LMBR1: variants seen among roughly 807,000 people sequenced by gnomAD.
LMBR1 encodes the protein limb region 1 protein homolog.
In LMBR1, 52 loss-of-function variants were observed where a neutral mutation model predicts 73.9. The ratio of observed to expected loss-of-function variants is 0.70; its 90% CI spans 0.56 to 0.89. The LOEUF (loss-of-function observed/expected upper bound fraction) is 0.89. Ranked by LOEUF, LMBR1 falls within the 40% of genes least tolerant of loss-of-function variation. The pLI is 0.00. For missense variants in LMBR1, 539 were observed against 579.8 expected (o/e 0.93, Z 0.72); for synonymous variants, 215 against 209.4 (o/e 1.03, Z -0.23).
chr7:156,711,443 G>A (rs1448075817), intron 15 of LMBR1, among the ~76,000 whole-genome samples: 2 of 152,068 alleles, frequency 1.3e-5, no homozygotes, highest in Non-Finnish European at 2.9e-5. Context: ...ACAATCTATA[G>A]ATTCAATGCA....
downstream of LMBR1, chr7:156,675,625 G>C: frequency 3.0e-6 from 4 of 1,342,416 alleles, no homozygotes; most frequent in Non-Finnish European, 2.1e-6. Flanking sequence ...AGATGGTCAG[G>C]CTCGAGAGCG....
At chr7:156,864,508 C>T (rs1798173539) in intron 1 of LMBR1, among the ~76,000 whole-genome samples, 1 of 151,928 alleles carries the variant, frequency 6.6e-6, no homozygotes, top group East Asian at 1.9e-4. Context: ...TAGGAGGTTA[C>T]GAATGAAGAC....
At chr7:156,805,858 T>C (rs997848890) in intron 4 of LMBR1, among the ~76,000 whole-genome samples, 2 of 152,124 alleles carry the variant, frequency 1.3e-5, no homozygotes, top group Non-Finnish European at 2.9e-5. Context: ...AAGAGGGCAA[T>C]CCTCATGATG....
chr7:156,827,411 A>T (rs1835886271), intron 3 of LMBR1, among the ~76,000 whole-genome samples: 1 of 152,112 alleles, frequency 6.6e-6, no homozygotes, highest in Non-Finnish European at 1.5e-5. Context: ...ATGGACAATA[A>T]ATGTAAAACA....
intron 1 of LMBR1, among the ~76,000 whole-genome samples, chr7:156,879,572 G>C (rs1435717798): frequency 6.6e-6 from 1 of 150,912 alleles, no homozygotes; most frequent in African/African-American, 2.4e-5. Context: ...GCTGAGGCAG[G>C]AGAATGGCGT....
At chr7:156,828,643 T>C (rs950699700) in intron 3 of LMBR1, among the ~76,000 whole-genome samples, 54 of 152,190 alleles carry the variant, frequency 3.5e-4, no homozygotes, top group African/African-American at 1.3e-3. Context: ...GTAAAGTGTC[T>C]TTGCAAGGTG....
intron 1 of LMBR1, among the ~76,000 whole-genome samples, chr7:156,837,227 C>G (rs1037296465): frequency 6.6e-6 from 1 of 150,994 alleles, no homozygotes; most frequent in African/African-American, 2.4e-5. Context: ...CCCAGCTACT[C>G]GAGATGCTGA....
At chr7:156,725,928 A>T (rs1254396624) in intron 12 of LMBR1, 91 bp from the exon 13 acceptor site, 3 of 942,574 alleles carry the variant, frequency 3.2e-6, no homozygotes, top group Non-Finnish European at 4.9e-6. Flanking sequence ...AGACAGTTGA[A>T]ATTATGAATG....
intron 5 of LMBR1, among the ~76,000 whole-genome samples, chr7:156,782,717 G>GT (rs1040028097): frequency 6.6e-6 from 1 of 152,162 alleles, no homozygotes; most frequent in Non-Finnish European, 1.5e-5. Context: ...GCTAATTTTT[G>GT]TATTTTTACT....
At chr7:156,804,692 ATTTTTT>A (rs914289285) in intron 4 of LMBR1, among the ~76,000 whole-genome samples, 4 of 149,490 alleles carry the variant, frequency 2.7e-5, no homozygotes, top group African/African-American at 9.9e-5. Flanking sequence ...CCATTTTTTC[ATTTTTT>A]TTTAATTACT....
chr7:156,770,879 A>G (rs1825047645), intron 5 of LMBR1, among the ~76,000 whole-genome samples: 1 of 152,192 alleles, frequency 6.6e-6, no homozygotes, highest in African/African-American at 2.4e-5. Context: ...GCGCTAGTGC[A>G]CTCTAACCTG....
chr7:156,893,162 C>T lies in LMBR1; in HGVS notation c.-169G>A, dbSNP rs1170354852. On this transcript the variant is annotated 5_prime_UTR_variant, in exon 1 of 17. Transcript: ENST00000353442. ...ACGACACCGGCCGTCGCCTCAGCAG[C>T]CTCAGACGAGCAGCTCTGACTAAGG... 2 of 550,378 alleles carry T rather than the reference C, an allele frequency of 3.6e-6. No homozygotes were observed. Among genetic ancestry groups the T allele is most frequent in the African/African-American group, 2.0e-5 (1 of 49,644 alleles). 34.1% of individuals were successfully genotyped at this position (550,378 alleles called of 1,614,324 possible).
chr7:156,794,739 A>G (rs1389275566), intron 5 of LMBR1, among the ~76,000 whole-genome samples: 2 of 152,160 alleles, frequency 1.3e-5, no homozygotes, highest in African/African-American at 4.8e-5. Context: ...TAGTGTCAGG[A>G]AGAGGGAAGA....
At chr7:156,853,423 C>A (rs1796522232) in intron 1 of LMBR1, among the ~76,000 whole-genome samples, 1 of 151,748 alleles carries the variant, frequency 6.6e-6, no homozygotes, top group Admixed American at 6.6e-5. Flanking sequence ...AAAAAAAGCA[C>A]TATCCCTTAT....
At chr7:156,689,610 A>C (rs1399816366) in intron 15 of LMBR1, among the ~76,000 whole-genome samples, 1 of 152,210 alleles carries the variant, frequency 6.6e-6, no homozygotes, top group East Asian at 1.9e-4. Context: ...CCCAGGACAA[A>C]TGTGTTTGAA....
intron 8 of LMBR1, 41 bp from the exon 9 acceptor site, chr7:156,756,506 A>G (rs758542252): frequency 1.1e-6 from 1 of 944,404 alleles, no homozygotes; most frequent in Non-Finnish European, 1.7e-6. Flanking sequence ...TCAACGTTAT[A>G]AAACGAATGC....
At chr7:156,834,920 T>C (rs6971741) in intron 2 of LMBR1, among the ~76,000 whole-genome samples, 11,119 of 151,764 alleles carry the variant, frequency 0.073, 462 homozygotes, top group East Asian at 0.14. Flanking sequence ...GGCAGGCGGA[T>C]CACAAGGTAA....
rs192165704 is a variant in LMBR1 at position 156,740,496 on chromosome 7, A to C, written c.758-6239T>G. On this transcript the variant is annotated intron_variant, in intron 9 of 16. Coordinates refer to ENST00000353442, the MANE Select transcript of LMBR1 (RefSeq NM_022458.4). ...ATAAAGAAAGGATCCCAAAAGCAGC[A>C]AGAGAAAAGAAACAAGTAACATCCA... is the stretch of plus-strand genomic sequence containing the variant. 1.3e-3 allele frequency among the ~76,000 whole-genome samples: 191 copies of C among 152,344 alleles called. 1 individual carries two copies. The highest frequency in any genetic ancestry group is 0.012 in the South Asian group (59 of 4,830).
chr7:156,855,640 T>A (rs11768602), intron 1 of LMBR1, among the ~76,000 whole-genome samples: 1 of 125,716 alleles, frequency 8.0e-6, no homozygotes, highest in Non-Finnish European at 1.6e-5. Flanking sequence ...TCCAGAAAGC[T>A]CACAGACCAA....
Sources: gnomAD v4.1 joint callset for allele counts (sites outside exome capture counted in the v4.1 genomes callset) on GRCh38, gnomAD v4.1.1 for gene constraint, MANE v1.5 for transcripts, NCBI Gene and HGNC (gene_info 2026-07-23, HGNC 2026-07-21) for gene names.